ATXN1: variants seen among roughly 807,000 people sequenced by gnomAD.
ATXN1 encodes the protein ataxin-1.
A neutral mutation model predicts 56.4 loss-of-function variants in ATXN1; 8 were observed. The ratio of observed to expected loss-of-function variants is 0.14; its 90% confidence interval spans 0.08 to 0.26. The LOEUF (loss-of-function observed/expected upper bound fraction) is 0.26, where lower values mean the gene tolerates loss of function less well. Among genes scored for constraint, ATXN1 ranks in the 10% least tolerant of loss-of-function variants. The probability of loss-of-function intolerance (pLI) is 1.00; values close to 1 mark genes in which losing one functional copy is unlikely to be tolerated. For synonymous variants in ATXN1, 514 were observed against 494.6 expected (o/e 1.04, Z -0.52); for missense variants, 987 against 1,106.5 (o/e 0.89, Z 1.53).
At chr6:16,378,629 G>C (rs12527059) in intron 6 of ATXN1, among the ~76,000 whole-genome samples, 1 of 151,912 alleles carries the variant, frequency 6.6e-6, no homozygotes, top group Admixed American at 6.6e-5. Context: ...GTGCAATCAC[G>C]GCTCACCGCA....
At chr6:16,319,843 G>C (rs148251394) in intron 7 of ATXN1, among the ~76,000 whole-genome samples, 4 of 151,000 alleles carry the variant, frequency 2.6e-5, no homozygotes, top group African/African-American at 9.7e-5. Flanking sequence ...GTTTAAAGGA[G>C]AGCATTTTTC....
chr6:16,464,777 G>T (rs1280491025), intron 6 of ATXN1, among the ~76,000 whole-genome samples: 1 of 151,960 alleles, frequency 6.6e-6, no homozygotes, highest in African/African-American at 2.4e-5. Context: ...GGGGTTTTGG[G>T]GATTGGGAGG....
At chr6:16,365,984 GCTTA>G (rs1226226394) in intron 6 of ATXN1, among the ~76,000 whole-genome samples, 1 of 151,670 alleles carries the variant, frequency 6.6e-6, no homozygotes, top group Non-Finnish European at 1.5e-5. Flanking sequence ...ATTTTTTTCT[GCTTA>G]CTTCTTTTTT....
rs1468323143 is a variant in ATXN1 at position 16,663,469 on chromosome 6, G to A, written c.-614-5568C>T. On this transcript the variant is annotated intron_variant, in intron 2 of 7. Coordinates refer to ENST00000436367, the MANE Select transcript of ATXN1 (RefSeq NM_001128164.2). ...ATTAAGATGTTTCTATTCTTTCTGTGGCATAGACATGTGAAATACAGAAGG... is the reference window on the plus strand; with the variant it reads ...ATTAAGATGTTTCTATTCTTTCTGTAGCATAGACATGTGAAATACAGAAGG... 3.3e-5 allele frequency among the ~76,000 whole-genome samples: 5 copies of A among 151,920 alleles called. No homozygotes were observed. The East Asian group carries it at 9.6e-4, about 29-fold the overall frequency.
intron 6 of ATXN1, among the ~76,000 whole-genome samples, chr6:16,396,627 G>C (rs1194516647): frequency 6.6e-6 from 1 of 152,176 alleles, no homozygotes; most frequent in Non-Finnish European, 1.5e-5. Flanking sequence ...TGTAGCCTAA[G>C]TGTACAGTCC....
Position 16,306,863 on chromosome 6 carries a change from T to C in ATXN1, c.1918-4A>G, listed in dbSNP as rs775852264. 3 of 1,595,914 alleles carry C rather than the reference T, an allele frequency of 1.9e-6. No homozygotes were observed. The highest frequency in any genetic ancestry group is 2.2e-5 in the South Asian group (2 of 89,266). On this transcript the variant is annotated splice_region_variant and splice_polypyrimidine_tract_variant and intron_variant, in intron 7 of 7. Coordinates refer to ENST00000436367, the MANE Select transcript of ATXN1 (RefSeq NM_001128164.2). The surrounding 1 kb of genome is among the most constrained non-coding windows in gnomAD (Gnocchi z 5.2). ...CTACCAAAACTTCAACGCTGACCTG[T>C]GGAAACAGGGAGAGACAGAGAGAGG...
chr6:16,549,647 C>G lies in ATXN1; in HGVS notation c.-360-26959G>C, dbSNP rs545470193. ...GTGCAGCGGCTTACGCCTGTAATCC[C>G]AGCACTTTGGGAGGCAGAGATGGGC... On this transcript the variant is annotated intron_variant, in intron 4 of 7. Coordinates refer to ENST00000436367, the MANE Select transcript of ATXN1 (RefSeq NM_001128164.2). 2.6e-5 allele frequency among the ~76,000 whole-genome samples: 4 copies of G among 152,216 alleles called. No individual in the cohort carries two copies. In the East Asian group the frequency reaches 7.7e-4, roughly 29 times the overall value.
At chr6:16,751,974 T>C (rs980954334) in intron 2 of ATXN1, among the ~76,000 whole-genome samples, 2 of 152,302 alleles carry the variant, frequency 1.3e-5, no homozygotes, top group South Asian at 2.1e-4. Flanking sequence ...AACTGAGGCA[T>C]TGAAAGGACA....
intron 5 of ATXN1, among the ~76,000 whole-genome samples, chr6:16,500,130 C>T (rs1025455588): frequency 7.2e-5 from 11 of 152,206 alleles, no homozygotes; most frequent in African/African-American, 2.7e-4. Context: ...TAGGGATGTA[C>T]ATTTACATGA....
At chr6:16,435,263 C>G (rs1462860256) in intron 6 of ATXN1, among the ~76,000 whole-genome samples, 1 of 151,924 alleles carries the variant, frequency 6.6e-6, no homozygotes, top group South Asian at 2.1e-4. Flanking sequence ...GACACAGGCC[C>G]GAAGATGATG....
At chr6:16,460,249 C>A (rs1206547404) in intron 6 of ATXN1, among the ~76,000 whole-genome samples, 1 of 152,174 alleles carries the variant, frequency 6.6e-6, no homozygotes, top group Non-Finnish European at 1.5e-5. Context: ...CAGGACAAAA[C>A]TTCTCTTTAT....
At chr6:16,445,467 G>A (rs998978947) in intron 6 of ATXN1, among the ~76,000 whole-genome samples, 13 of 151,694 alleles carry the variant, frequency 8.6e-5, no homozygotes, top group East Asian at 7.7e-4. Flanking sequence ...GGGCAAAAGC[G>A]TTCATTTACC....
At chr6:16,310,505 G>A (rs1489859767) in intron 7 of ATXN1, among the ~76,000 whole-genome samples, 1 of 152,006 alleles carries the variant, frequency 6.6e-6, no homozygotes, top group East Asian at 1.9e-4. Flanking sequence ...TTTTGTGAGA[G>A]GGAGTCTTGC....
chr6:16,516,776 G>T (rs1761191312), intron 5 of ATXN1, among the ~76,000 whole-genome samples: 1 of 152,114 alleles, frequency 6.6e-6, no homozygotes, highest in Non-Finnish European at 1.5e-5. Context: ...TATATTTACT[G>T]CCCTCAGTAT....
intron 2 of ATXN1, among the ~76,000 whole-genome samples, chr6:16,673,020 C>CAAAAAAAAAAAAAAA (rs559212594): frequency 9.5e-6 from 1 of 105,570 alleles, no homozygotes; most frequent in African/African-American, 3.7e-5. Context: ...TCCCCCCCGC[C>CAAAAAAAAAAAAAAA]AAAAAAAAAA....
At chr6:16,619,976 G>T (rs1337947868) in intron 3 of ATXN1, among the ~76,000 whole-genome samples, 1 of 151,866 alleles carries the variant, frequency 6.6e-6, no homozygotes, top group African/African-American at 2.4e-5. Context: ...TCAACTTCCT[G>T]TTCTGTCAAA....
At chr6:16,467,951 A>G (rs1244328169) in intron 6 of ATXN1, among the ~76,000 whole-genome samples, 1 of 152,194 alleles carries the variant, frequency 6.6e-6, no homozygotes, top group Non-Finnish European at 1.5e-5. Context: ...TGGTAAAGAC[A>G]TTCCATTTCT....
chr6:16,693,241 T>G (rs1018847951), intron 2 of ATXN1, among the ~76,000 whole-genome samples: 15 of 152,218 alleles, frequency 9.9e-5, no homozygotes, highest in Admixed American at 9.8e-4. Flanking sequence ...AAAAGAGCAC[T>G]GAATTTGAAG....
chr6:16,312,759 C>G (rs1217813194), intron 7 of ATXN1, among the ~76,000 whole-genome samples: 1 of 152,218 alleles, frequency 6.6e-6, no homozygotes, highest in Non-Finnish European at 1.5e-5. Context: ...TGAACCCTCA[C>G]TGGTGCCCAA....
Sources: gnomAD v4.1 joint callset for allele counts (sites outside exome capture counted in the v4.1 genomes callset) on GRCh38, gnomAD v4.1.1 for gene constraint, Gnocchi (gnomAD v3.1) non-coding constraint, MANE v1.5 for transcripts, NCBI Gene and HGNC (gene_info 2026-07-23, HGNC 2026-07-21) for gene names.